EYS: variants seen among roughly 807,000 people sequenced by gnomAD.
EYS encodes the protein protein eyes shut homolog.
In EYS, 250 loss-of-function variants were observed where a neutral mutation model predicts 282.1. The observed-to-expected ratio is 0.89, with a 90% CI of 0.80 to 0.98. The LOEUF (loss-of-function observed/expected upper bound fraction) is 0.98, where lower values mean the gene tolerates loss of function less well. EYS is among the 50% of genes least tolerant of loss of function. The probability of loss-of-function intolerance (pLI) is 0.00; values close to 1 mark genes in which losing one functional copy is unlikely to be tolerated. For missense variants in EYS, 4,016 were observed against 3,709.0 expected (o/e 1.08, Z -2.15); for synonymous variants, 1,355 against 1,282.9 (o/e 1.06, Z -1.20).
chr6:64,918,456 T>G (rs916467929), intron 15 of EYS, among the ~76,000 whole-genome samples: 3 of 152,158 alleles, frequency 2.0e-5, no homozygotes, highest in African/African-American at 7.2e-5. Context: ...TTTGTTTGTT[T>G]GTTCGTTTGT....
intron 5 of EYS, among the ~76,000 whole-genome samples, chr6:65,408,015 T>C (rs2150367624): frequency 6.6e-6 from 1 of 152,268 alleles, no homozygotes; most frequent in East Asian, 1.9e-4. Flanking sequence ...TTAGATTTTG[T>C]GATATGTTTT....
chr6:64,955,798 C>A (rs567990577), intron 14 of EYS, among the ~76,000 whole-genome samples: 1 of 152,136 alleles, frequency 6.6e-6, no homozygotes, highest in South Asian at 2.1e-4. Context: ...CTACGAAAGG[C>A]TTTCTTATTT....
In EYS at chr6:63,864,315, C is replaced by T; in HGVS notation, c.7099G>A (p.Gly2367Ser). 6.4e-7 allele frequency: 1 copy of T among 1,551,546 alleles called. No individual in the cohort carries two copies. The highest frequency in any genetic ancestry group is 8.7e-7 in the Non-Finnish European group (1 of 1,146,864). The stretch of plus-strand genomic sequence containing the variant: ...CAACTTGCAAACTGGCACAGCTTGC[C>T]TGAATACAGCCTTGGACACTCACAA... Reference protein sequence around the residue: ...LFCECPRLYSGKLCQFASCEN... With the variant: ...LFCECPRLYSSKLCQFASCEN... Residue 2367 changes from glycine to serine, a missense_variant, in exon 36 of 43, where the codon GGC (glycine) becomes AGC (serine). Gly to Ser is a moderately conservative substitution (Grantham distance 56). Transcript: ENST00000503581.
At chr6:63,776,438 C>G (rs996019491) in intron 40 of EYS, among the ~76,000 whole-genome samples, 5 of 152,102 alleles carry the variant, frequency 3.3e-5, no homozygotes, top group Non-Finnish European at 7.4e-5. Flanking sequence ...CATACATCCT[C>G]TCGAATTACT....
intron 30 of EYS, among the ~76,000 whole-genome samples, chr6:64,299,622 G>C (rs1006213875): frequency 6.6e-6 from 1 of 152,148 alleles, no homozygotes; most frequent in South Asian, 2.1e-4. Flanking sequence ...TTTCATCATG[G>C]GACAACAGTT....
chr6:64,600,169 G>C (rs1288936195), intron 24 of EYS, among the ~76,000 whole-genome samples: 1 of 151,938 alleles, frequency 6.6e-6, no homozygotes, highest in Non-Finnish European at 1.5e-5. Flanking sequence ...ACTTTGAGTG[G>C]TTTCATGCCA....
At position 63,818,152 on chromosome 6, in the gene EYS, A is replaced by G. The variant is rs1771230474; in HGVS notation, c.7229-11780T>C. Among the ~76,000 whole-genome samples, 3 of 152,250 alleles carry G rather than the reference A, an allele frequency of 2.0e-5. No individual in the cohort carries two copies. In the South Asian group the frequency reaches 6.2e-4, roughly 31 times the overall value. On this transcript the variant is annotated intron_variant, in intron 36 of 42. Coordinates refer to ENST00000503581, the MANE Select transcript of EYS (RefSeq NM_001142800.2). ...AATGTTTTGTCATGAAGGAAACAGT[A>G]TAGTCCTTTCATAATGTATTTAAAT...
intron 31 of EYS, among the ~76,000 whole-genome samples, chr6:64,094,170 A>C (rs1023834389): frequency 1.3e-5 from 2 of 152,012 alleles, no homozygotes; most frequent in African/African-American, 4.8e-5. Flanking sequence ...TATTTTATTG[A>C]GGATTTTCGC....
At chr6:65,317,848 TTCTTTCTTTCTTTCTTTCTTTC>T (rs1388254965) in intron 11 of EYS, among the ~76,000 whole-genome samples, 3 of 47,924 alleles carry the variant, frequency 6.3e-5, no homozygotes, top group African/African-American at 4.1e-4. Context: ...CTTTCTTTCT[TTCTTTCTTTCTTTCTTTCTTTC>T]TTTCTTTCTT....
intron 28 of EYS, among the ~76,000 whole-genome samples, chr6:64,401,423 C>A (rs1026889418): frequency 6.6e-6 from 1 of 151,880 alleles, no homozygotes; most frequent in African/African-American, 2.4e-5. Flanking sequence ...GAAATAAAAG[C>A]AAATGTATGC....
At chr6:63,751,129 A>G (rs1769331200) in intron 41 of EYS, among the ~76,000 whole-genome samples, 2 of 152,134 alleles carry the variant, frequency 1.3e-5, no homozygotes, top group East Asian at 1.9e-4. Flanking sequence ...TCTAAAATAG[A>G]TTAATTCCCA....
chr6:64,825,833 G>T (rs187864138), intron 19 of EYS, among the ~76,000 whole-genome samples: 27 of 151,558 alleles, frequency 1.8e-4, no homozygotes, highest in Non-Finnish European at 2.8e-4. Flanking sequence ...CAAACTCTAA[G>T]TTATTCATCT....
At chr6:64,056,874 G>A (rs1012645677) in intron 33 of EYS, among the ~76,000 whole-genome samples, 6 of 152,104 alleles carry the variant, frequency 3.9e-5, no homozygotes, top group Non-Finnish European at 7.4e-5. Flanking sequence ...TATGGTAATT[G>A]GTATAGGGCT....
In EYS at chr6:64,770,603, A is replaced by C. The variant is rs1008965176; in HGVS notation, c.3443+42775T>G. On this transcript the variant is annotated intron_variant, in intron 22 of 42. Transcript: ENST00000503581. ...GTTTCACTAAATTTCCTTTAAACTC[A>C]ATCGTCGAAACTAGGTGCAGCTTTA... Among the ~76,000 whole-genome samples, 7 of 152,014 alleles carry C rather than the reference A, an allele frequency of 4.6e-5. No individual in the cohort carries two copies. The East Asian group carries it at 9.7e-4, about 21-fold the overall frequency.
intron 31 of EYS, among the ~76,000 whole-genome samples, chr6:64,096,341 A>G (rs1029185024): frequency 6.6e-6 from 1 of 152,170 alleles, no homozygotes; most frequent in Non-Finnish European, 1.5e-5. Flanking sequence ...TATACTGCAG[A>G]GTGTTTTCCA....
Position 65,495,512 on chromosome 6 carries a change from C to T in EYS, c.-102G>A, listed in dbSNP as rs1488256161. On this transcript the variant is annotated 5_prime_UTR_variant, in exon 4 of 43. Transcript: ENST00000503581. ...CAAGTAAAGTTGTGGTTAAGGATTCCTGGGAATTGGAATTGACCTTTTTTC... is the reference window on the plus strand; with the variant it reads ...CAAGTAAAGTTGTGGTTAAGGATTCTTGGGAATTGGAATTGACCTTTTTTC... The T allele has an allele frequency of 7.7e-7, 1 of 1,306,524 alleles. No homozygotes were observed. Among genetic ancestry groups the T allele is most frequent in the East Asian group, 2.5e-5 (1 of 40,788 alleles). 80.9% of individuals were successfully genotyped at this position (1,306,524 alleles called of 1,614,324 possible).
chr6:65,294,405 G>C (rs769875706), intron 12 of EYS, among the ~76,000 whole-genome samples: 3 of 151,886 alleles, frequency 2.0e-5, no homozygotes, highest in Admixed American at 1.3e-4. Flanking sequence ...TGTGAAGCTT[G>C]TGTTGGGTTT....
In EYS at chr6:65,319,017, A is replaced by C. The variant is rs530867472; in HGVS notation, c.1766+15963T>G. 2.5e-3 allele frequency among the ~76,000 whole-genome samples: 384 copies of C among 151,590 alleles called. 3 individuals carry two copies. The highest frequency in any genetic ancestry group is 0.019 in the South Asian group (93 of 4,816). Reference sequence around the variant, plus strand: ...TTCTACTTTTGATTTGTGTATTTACATATATATGTTTACATGATTTTTATC... The same window carrying C: ...TTCTACTTTTGATTTGTGTATTTACCTATATATGTTTACATGATTTTTATC... On this transcript the variant is annotated intron_variant, in intron 11 of 42. Coordinates refer to ENST00000503581, the MANE Select transcript of EYS (RefSeq NM_001142800.2).
At chr6:64,521,928 G>C (rs1302295960) in intron 26 of EYS, among the ~76,000 whole-genome samples, 1 of 151,632 alleles carries the variant, frequency 6.6e-6, no homozygotes, top group Non-Finnish European at 1.5e-5. Context: ...AAGTATAGTC[G>C]TATCATTCAC....
Sources: allele counts gnomAD v4.1 joint callset (sites outside exome capture counted in the v4.1 genomes callset), GRCh38; gene constraint gnomAD v4.1.1; transcripts MANE v1.5; gene names NCBI Gene and HGNC (gene_info 2026-07-23, HGNC 2026-07-21).